CSMD1: variants seen among roughly 807,000 people sequenced by gnomAD.
The protein encoded by CSMD1 is CUB and sushi domain-containing protein 1.
CSMD1 carries 213 observed loss-of-function variants against 417.5 expected under a neutral mutation model. The ratio of observed to expected loss-of-function variants is 0.51; its 90% CI spans 0.46 to 0.57. The LOEUF (loss-of-function observed/expected upper bound fraction) is 0.57, where lower values mean the gene tolerates loss of function less well. Ranked by LOEUF, CSMD1 falls within the 20% of genes least tolerant of loss-of-function variation. The pLI, the probability that CSMD1 is intolerant of heterozygous loss-of-function variation, is 0.00. For synonymous variants in CSMD1, 2,862 were observed against 1,736.8 expected, an observed-to-expected ratio of 1.65 and a Z score of -16.11; for missense variants, 6,923 against 4,529.7, an observed-to-expected ratio of 1.53 and a Z score of -15.17.
chr8:4,613,910 T>C (rs1007142133), intron 2 of CSMD1, among the ~76,000 whole-genome samples: 1 of 151,728 alleles, frequency 6.6e-6, no homozygotes, highest in Non-Finnish European at 1.5e-5. Context: ...TCTTCTGTAC[T>C]TGAAATTTAG....
At chr8:4,020,708 G>A (rs894243381) in intron 4 of CSMD1, among the ~76,000 whole-genome samples, 13 of 152,140 alleles carry the variant, frequency 8.5e-5, no homozygotes, top group South Asian at 4.1e-4. Context: ...GCGAATCCGC[G>A]TGTTCCTCAA....
rs116688154 is a variant in CSMD1, at chr8:4,659,953, G to A, written c.86-22395C>T. Among the ~76,000 whole-genome samples the A allele has an allele frequency of 1.2e-3, 180 of 151,940 alleles. 2 individuals are homozygous for A. Among genetic ancestry groups the A allele is most frequent in the African/African-American group, 4.1e-3 (171 of 41,446 alleles). On this transcript the variant is annotated intron_variant, in intron 1 of 69. Transcript: ENST00000635120. Reference sequence around the variant, plus strand: ...CAGGATCAAAACACTCTGAAAACTAGGAATGAAGAAGAATTTCCTCAAATT... The same window carrying A: ...CAGGATCAAAACACTCTGAAAACTAAGAATGAAGAAGAATTTCCTCAAATT...
At chr8:4,557,973 T>C (rs1761473967) in intron 2 of CSMD1, among the ~76,000 whole-genome samples, 1 of 152,188 alleles carries the variant, frequency 6.6e-6, no homozygotes, top group Admixed American at 6.5e-5. Flanking sequence ...AAGGTGGCCT[T>C]ATTTTTACTA....
chr8:3,160,114 G>T (rs1385556238), intron 38 of CSMD1, among the ~76,000 whole-genome samples: 1 of 152,042 alleles, frequency 6.6e-6, no homozygotes, highest in East Asian at 1.9e-4. Context: ...AGATATGAAA[G>T]ACAATTCTTT....
At chr8:3,378,012 G>C (rs780183790) in intron 18 of CSMD1, among the ~76,000 whole-genome samples, 1 of 152,158 alleles carries the variant, frequency 6.6e-6, no homozygotes, top group Non-Finnish European at 1.5e-5. Flanking sequence ...TGCTCATCAA[G>C]GCTGAGTGTG....
intron 1 of CSMD1, among the ~76,000 whole-genome samples, chr8:4,819,991 T>C (rs1008368957): frequency 6.6e-5 from 10 of 152,232 alleles, no homozygotes; most frequent in African/African-American, 2.2e-4. Flanking sequence ...GGTAAACCTA[T>C]GTAATTGTTC....
At chr8:4,669,557 T>G (rs1805163229) in intron 1 of CSMD1, among the ~76,000 whole-genome samples, 2 of 152,198 alleles carry the variant, frequency 1.3e-5, no homozygotes, top group African/African-American at 2.4e-5. Context: ...TCAGAGATTT[T>G]TTTACCCATC....
chr8:4,045,654 T>C (rs923746436), intron 3 of CSMD1, among the ~76,000 whole-genome samples: 37 of 152,186 alleles, frequency 2.4e-4, no homozygotes, highest in African/African-American at 7.7e-4. Flanking sequence ...ACAAGATGGA[T>C]TGTAGTAGAA....
At chr8:4,587,061 C>G (rs1289259445) in intron 2 of CSMD1, among the ~76,000 whole-genome samples, 1 of 152,080 alleles carries the variant, frequency 6.6e-6, no homozygotes, top group Non-Finnish European at 1.5e-5. Context: ...TCTTTTAATC[C>G]ATGAAACATT....
intron 2 of CSMD1, among the ~76,000 whole-genome samples, chr8:4,513,387 T>A (rs528283638): frequency 1.3e-5 from 2 of 152,248 alleles, no homozygotes; most frequent in South Asian, 4.1e-4. Context: ...TAAAGAGAAA[T>A]CCTCAAGTAG....
At chr8:3,872,903 G>C (rs916543717) in intron 5 of CSMD1, among the ~76,000 whole-genome samples, 7 of 148,928 alleles carry the variant, frequency 4.7e-5, no homozygotes, top group Non-Finnish European at 8.9e-5. Flanking sequence ...AACATGAACA[G>C]ACACTTCTGA....
At chr8:3,709,098 G>T (rs754167023) in intron 6 of CSMD1, among the ~76,000 whole-genome samples, 11 of 150,676 alleles carry the variant, frequency 7.3e-5, no homozygotes, top group Non-Finnish European at 1.6e-4. Flanking sequence ...CATTCTGAGA[G>T]TTAAATATGT....
chr8:3,250,190 A>C (rs774324256), intron 26 of CSMD1, among the ~76,000 whole-genome samples: 3 of 152,178 alleles, frequency 2.0e-5, no homozygotes, highest in Non-Finnish European at 2.9e-5. Context: ...GTATGTCTCC[A>C]AATACTATCC....
intron 54 of CSMD1, among the ~76,000 whole-genome samples, chr8:2,981,083 G>A (rs1158079402): frequency 6.6e-6 from 1 of 152,196 alleles, no homozygotes; most frequent in Non-Finnish European, 1.5e-5. Flanking sequence ...GGCTCCAATA[G>A]GAGATACAGC....
intron 5 of CSMD1, among the ~76,000 whole-genome samples, chr8:3,916,371 T>C (rs894983990): frequency 3.3e-5 from 5 of 152,146 alleles, no homozygotes; most frequent in African/African-American, 9.7e-5. Flanking sequence ...CCTCTGTACA[T>C]AGGAGGTAAT....
intron 4 of CSMD1, among the ~76,000 whole-genome samples, chr8:4,024,825 G>A (rs1163851660): frequency 6.6e-6 from 1 of 152,130 alleles, no homozygotes; most frequent in Non-Finnish European, 1.5e-5. Flanking sequence ...ATGACTTCAG[G>A]GATCTAAGCT....
At chr8:3,302,770 C>T (rs952790742) in intron 25 of CSMD1, among the ~76,000 whole-genome samples, 20 of 152,222 alleles carry the variant, frequency 1.3e-4, no homozygotes, top group South Asian at 2.1e-4. Context: ...ATTTGTCCTT[C>T]ATGCACTTTC....
chr8:4,923,962 A>G (rs1026282036), intron 1 of CSMD1, among the ~76,000 whole-genome samples: 1 of 152,198 alleles, frequency 6.6e-6, no homozygotes, highest in Non-Finnish European at 1.5e-5. Context: ...TCAACCTTGC[A>G]TCTGAATCAT....
intron 2 of CSMD1, among the ~76,000 whole-genome samples, chr8:4,555,405 C>A (rs547404859): frequency 5.9e-5 from 9 of 152,078 alleles, no homozygotes; most frequent in South Asian, 2.1e-4. Context: ...TCCTCTCCAG[C>A]GCAGGTGCAT....
Sources: gnomAD v4.1 joint callset for allele counts (sites outside exome capture counted in the v4.1 genomes callset) on GRCh38, gnomAD v4.1.1 for gene constraint, MANE v1.5 for transcripts, NCBI Gene and HGNC (gene_info 2026-07-23, HGNC 2026-07-21) for gene names.